MED12L: variants seen among roughly 807,000 people sequenced by gnomAD.
The protein encoded by MED12L is mediator of RNA polymerase II transcription subunit 12-like protein.
A neutral mutation model predicts 281.3 loss-of-function variants in MED12L; 60 were observed. That is an observed-to-expected ratio of 0.21 (90% confidence interval 0.17 to 0.26). The LOEUF (loss-of-function observed/expected upper bound fraction) is 0.26, where lower values mean the gene tolerates loss of function less well. MED12L is among the 10% of genes least tolerant of loss of function. The pLI is 1.00. For synonymous variants in MED12L, 974 were observed against 987.2 expected, an observed-to-expected ratio of 0.99 and a Z score of 0.25; for missense variants, 2,146 against 2,680.9, an observed-to-expected ratio of 0.80 and a Z score of 4.41.
chr3:151,089,564 C>T (rs919314513), intron 2 of MED12L, among the ~76,000 whole-genome samples: 2 of 151,514 alleles, frequency 1.3e-5, no homozygotes, highest in Non-Finnish European at 2.9e-5. Flanking sequence ...ATTCTTGTCA[C>T]CATAAATGTA....
chr3:151,366,946 G>A (rs1441564484), intron 23 of MED12L, among the ~76,000 whole-genome samples: 1 of 152,082 alleles, frequency 6.6e-6, no homozygotes, highest in African/African-American at 2.4e-5. Context: ...TTATGGTGGT[G>A]TGCTAATAAA....
chr3:151,404,245 TA>T (rs1373003748), intron 39 of MED12L, among the ~76,000 whole-genome samples: 21 of 152,338 alleles, frequency 1.4e-4, no homozygotes, highest in African/African-American at 4.8e-4. Flanking sequence ...TCTGCTTTCT[TA>T]GGAAGTTAAT....
At chr3:151,215,010 C>G (rs1015006459) in intron 16 of MED12L, among the ~76,000 whole-genome samples, 3 of 151,878 alleles carry the variant, frequency 2.0e-5, no homozygotes, top group African/African-American at 7.3e-5. Context: ...AAAGTGTATT[C>G]TACATATATG....
intron 16 of MED12L, chr3:151,326,166 T>A (rs1044944239): frequency 6.6e-6 from 1 of 152,536 alleles, no homozygotes; most frequent in African/African-American, 2.4e-5. Context: ...CACCACAATT[T>A]TCAGGCCCTA....
At chr3:151,167,253 G>T (rs575541316) in intron 11 of MED12L, among the ~76,000 whole-genome samples, 2 of 152,262 alleles carry the variant, frequency 1.3e-5, no homozygotes, top group South Asian at 4.1e-4. Context: ...ATATTCAGTT[G>T]TTTTTTTCCT....
chr3:151,319,468 CGTGTGT>C (rs34335179), intron 16 of MED12L, among the ~76,000 whole-genome samples: 2,579 of 145,608 alleles, frequency 0.018, 23 homozygotes, highest in African/African-American at 0.028. Flanking sequence ...TGTGTGTGTG[CGTGTGT>C]GTGTGTGTGT....
At chr3:151,243,956 G>C (rs1167284530) in intron 16 of MED12L, among the ~76,000 whole-genome samples, 1 of 146,282 alleles carries the variant, frequency 6.8e-6, no homozygotes, top group South Asian at 2.3e-4. Flanking sequence ...AAAAAGGCAG[G>C]GGTTGCAATA....
intron 16 of MED12L, chr3:151,214,104 G>T: frequency 6.2e-7 from 1 of 1,614,094 alleles, no homozygotes; most frequent in Non-Finnish European, 8.5e-7. Flanking sequence ...GAAAAGTCAG[G>T]CTCATCACAA....
intron 16 of MED12L, among the ~76,000 whole-genome samples, chr3:151,206,327 T>G (rs535365054): frequency 6.6e-6 from 1 of 152,236 alleles, no homozygotes; most frequent in African/African-American, 2.4e-5. Flanking sequence ...CAAATTTGTT[T>G]TTTTCACATT....
At chr3:151,155,136 A>G (rs1719101751) in intron 5 of MED12L, among the ~76,000 whole-genome samples, 1 of 152,232 alleles carries the variant, frequency 6.6e-6, no homozygotes, top group African/African-American at 2.4e-5. Flanking sequence ...TTCTTTTGTC[A>G]AAATAGAAGG....
At chr3:151,307,963 C>T (rs1031096348) in intron 16 of MED12L, among the ~76,000 whole-genome samples, 1 of 152,154 alleles carries the variant, frequency 6.6e-6, no homozygotes, top group African/African-American at 2.4e-5. Flanking sequence ...CCCTGTTAAG[C>T]ATTGTACCTC....
chr3:151,257,195 GTTTC>G (rs1737977908), intron 16 of MED12L, among the ~76,000 whole-genome samples: 1 of 152,164 alleles, frequency 6.6e-6, no homozygotes, highest in Non-Finnish European at 1.5e-5. Context: ...TATTTATGTA[GTTTC>G]TTTCTCTGTA....
intron 39 of MED12L, among the ~76,000 whole-genome samples, chr3:151,395,100 TAAAAC>T (rs764059149): frequency 1.3e-5 from 2 of 152,190 alleles, no homozygotes; most frequent in African/African-American, 4.8e-5. Flanking sequence ...AAGTATACCT[TAAAAC>T]AAAAAGAAGG....
At chr3:151,378,289 A>G in intron 31 of MED12L, 116 bp downstream of exon 31, 1 of 1,094,142 alleles carries the variant, frequency 9.1e-7, no homozygotes, top group Non-Finnish European at 1.2e-6. Flanking sequence ...TAGTTTTTAA[A>G]TGGAACTGGG....
chr3:151,109,293 G>A (rs1191678637), intron 2 of MED12L, among the ~76,000 whole-genome samples: 2 of 152,278 alleles, frequency 1.3e-5, no homozygotes, highest in Admixed American at 1.3e-4. Context: ...CTGACCTCTC[G>A]GGATCTGCCT....
chr3:151,263,058 T>C (rs570635070), intron 16 of MED12L, among the ~76,000 whole-genome samples: 60 of 151,970 alleles, frequency 3.9e-4, no homozygotes, highest in Non-Finnish European at 7.4e-4. Context: ...TGGGGTGGCG[T>C]TGGGGAAGAG....
At chr3:151,240,816 G>A (rs1733925650) in intron 16 of MED12L, among the ~76,000 whole-genome samples, 1 of 152,188 alleles carries the variant, frequency 6.6e-6, no homozygotes, top group Admixed American at 6.5e-5. Flanking sequence ...ATTTCCTTAG[G>A]TCAGAGACAA....
At chr3:151,250,135 TTCAC>T (rs1221392370) in intron 16 of MED12L, among the ~76,000 whole-genome samples, 1 of 152,184 alleles carries the variant, frequency 6.6e-6, no homozygotes, top group Non-Finnish European at 1.5e-5. Flanking sequence ...CACTTTCCCA[TTCAC>T]TCTGTAATCT....
In MED12L at chr3:151,192,603, T is replaced by C; in HGVS notation, c.2022T>C (p.Phe674=). The change falls in exon 15 of 45, where the codon TTT becomes TTC. Residue 674 remains phenylalanine, a synonymous_variant. Transcript: ENST00000687756. ...TTGACTCAGGAACCACTAACATTTT[T>C]GATGAAGTAGACAAGAGTGACTTTA... The part of the protein sequence containing the change: ...MGIDSGTTNI[F]DEVDKSDFKT... 6.5e-7 allele frequency: 1 copy of C among 1,536,432 alleles called. No homozygotes were observed. Among genetic ancestry groups the C allele is most frequent in the Non-Finnish European group, 8.7e-7 (1 of 1,146,924 alleles).
Sources: allele counts gnomAD v4.1 joint callset (sites outside exome capture counted in the v4.1 genomes callset), GRCh38; gene constraint gnomAD v4.1.1; transcripts MANE v1.5; gene names NCBI Gene and HGNC (gene_info 2026-07-23, HGNC 2026-07-21).